The following RBFOX1 variants were observed in gnomAD, a reference collection of about 807,000 sequenced individuals.
RBFOX1 encodes RNA binding protein fox-1 homolog 1.
RBFOX1 carries 8 observed loss-of-function variants against 57.7 expected under a neutral mutation model. The ratio of observed to expected loss-of-function variants is 0.14; its 90% CI spans 0.08 to 0.25. RBFOX1 has a LOEUF of 0.25. RBFOX1 is among the 10% of genes least tolerant of loss of function. The pLI, the probability that RBFOX1 is intolerant of heterozygous loss-of-function variation, is 1.00. For synonymous variants in RBFOX1, 326 were observed against 222.4 expected (o/e 1.47, Z -4.15); for missense variants, 611 against 548.5 (o/e 1.11, Z -1.14).
At chr16:5,346,999 T>C (rs944999213) in intron 1 of RBFOX1, among the ~76,000 whole-genome samples, 1 of 152,146 alleles carries the variant, frequency 6.6e-6, no homozygotes, top group Non-Finnish European at 1.5e-5. Flanking sequence ...CTGGAAACTT[T>C]TTTTTTTTGC....
chr16:5,719,888 C>T (rs181501233), intron 3 of RBFOX1, among the ~76,000 whole-genome samples: 1 of 152,184 alleles, frequency 6.6e-6, no homozygotes, highest in Admixed American at 6.6e-5. Context: ...TTTATGTGGA[C>T]GCATGTTTTG....
chr16:5,626,844 T>G (rs1248587424), intron 3 of RBFOX1, among the ~76,000 whole-genome samples: 2 of 149,254 alleles, frequency 1.3e-5, no homozygotes, highest in African/African-American at 5.2e-5. Context: ...AATCGTTTTA[T>G]CCAAATCATT....
In RBFOX1 at chr16:6,617,104, G is replaced by A. The variant is rs753519848; in HGVS notation, c.-63-37499G>A. On this transcript the variant is annotated intron_variant, in intron 2 of 15. Transcript: ENST00000550418. Reference sequence around the variant, plus strand: ...ACGTAGAGGTGCTTTGGCCCACCACGAAGAGTTTTGGAAGACGTAAGACTT... The same window carrying A: ...ACGTAGAGGTGCTTTGGCCCACCACAAAGAGTTTTGGAAGACGTAAGACTT... 6.6e-5 allele frequency among the ~76,000 whole-genome samples: 10 copies of A among 152,032 alleles called. 1 individual carries two copies. The highest frequency in any genetic ancestry group is 4.1e-4 in the South Asian group (2 of 4,820).
intron 3 of RBFOX1, among the ~76,000 whole-genome samples, chr16:6,990,883 G>A (rs78271149): frequency 0.052 from 7,915 of 152,058 alleles, 239 homozygotes; most frequent in African/African-American, 0.071. Context: ...GATAAGATAA[G>A]GCTGTCATTT....
At chr16:5,500,630 C>T (rs544503674) in intron 2 of RBFOX1, among the ~76,000 whole-genome samples, 1 of 152,302 alleles carries the variant, frequency 6.6e-6, no homozygotes, top group African/African-American at 2.4e-5. Flanking sequence ...CAACCTAAGT[C>T]ACTCTATCCA....
chr16:7,578,675 T>C (rs1163126553), intron 5 of RBFOX1, among the ~76,000 whole-genome samples: 1 of 152,134 alleles, frequency 6.6e-6, no homozygotes, highest in Non-Finnish European at 1.5e-5. Flanking sequence ...TCCTCACTCA[T>C]AAATTTGATA....
chr16:5,362,596 A>G (rs1358297978), intron 1 of RBFOX1, among the ~76,000 whole-genome samples: 1 of 152,196 alleles, frequency 6.6e-6, no homozygotes. Context: ...TCCCGACCTC[A>G]GGTGATCCAA....
chr16:6,720,270 C>A (rs1469292699), intron 3 of RBFOX1, among the ~76,000 whole-genome samples: 1 of 152,046 alleles, frequency 6.6e-6, no homozygotes, highest in Admixed American at 6.5e-5. Context: ...TGTACTTCTT[C>A]CCCCTTCACT....
At chr16:5,359,833 T>C (rs2065493583) in intron 1 of RBFOX1, among the ~76,000 whole-genome samples, 1 of 152,190 alleles carries the variant, frequency 6.6e-6, no homozygotes, top group African/African-American at 2.4e-5. Flanking sequence ...TGGTTAATGG[T>C]TTCCTCTCTG....
intron 4 of RBFOX1, among the ~76,000 whole-genome samples, chr16:7,178,925 A>T (rs2152507334): frequency 6.6e-6 from 1 of 152,162 alleles, no homozygotes; most frequent in East Asian, 1.9e-4. Context: ...CGTAAATAAT[A>T]GTGAAGTCTC....
chr16:5,670,117 G>A (rs1029472635), intron 3 of RBFOX1, among the ~76,000 whole-genome samples: 3 of 152,018 alleles, frequency 2.0e-5, no homozygotes, highest in African/African-American at 7.2e-5. Flanking sequence ...TTTACCTGAA[G>A]TGTCTAGAGC....
At chr16:5,940,224 T>A (rs2059251711) in intron 4 of RBFOX1, among the ~76,000 whole-genome samples, 1 of 152,224 alleles carries the variant, frequency 6.6e-6, no homozygotes. Context: ...TCTAGTTGTG[T>A]GACCTTAGTT....
chr16:7,279,496 G>T (rs1568009280), intron 4 of RBFOX1, among the ~76,000 whole-genome samples: 1 of 152,200 alleles, frequency 6.6e-6, no homozygotes, highest in African/African-American at 2.4e-5. Context: ...CCAGGTTGCA[G>T]TGGCCACGGA....
intron 1 of RBFOX1, among the ~76,000 whole-genome samples, chr16:6,293,935 C>G (rs559318386): frequency 1.4e-5 from 2 of 139,104 alleles, no homozygotes; most frequent in South Asian, 4.4e-4. Flanking sequence ...GGAATTTTTA[C>G]TGTAAGAGTA....
intron 4 of RBFOX1, chr16:7,126,562 A>G (rs1168833744): frequency 9.7e-6 from 2 of 206,946 alleles, no homozygotes; most frequent in East Asian, 2.3e-4. Flanking sequence ...CGCGCTGGGC[A>G]CAGTTCGTGC....
intron 1 of RBFOX1, among the ~76,000 whole-genome samples, chr16:6,257,500 C>G (rs111543112): frequency 1.3e-5 from 2 of 151,732 alleles, no homozygotes; most frequent in African/African-American, 4.8e-5. Context: ...GGGGGTTTGT[C>G]GTACAGTTGA....
intron 1 of RBFOX1, among the ~76,000 whole-genome samples, chr16:6,303,220 C>T (rs1333339450): frequency 6.6e-6 from 1 of 152,174 alleles, no homozygotes; most frequent in Non-Finnish European, 1.5e-5. Context: ...ATGATGTCCA[C>T]ATTTCATAGC....
chr16:6,169,557 A>T (rs1477760043), intron 1 of RBFOX1, among the ~76,000 whole-genome samples: 1 of 152,198 alleles, frequency 6.6e-6, no homozygotes, highest in African/African-American at 2.4e-5. Flanking sequence ...CAGCACAGCC[A>T]CGTGGTGGAA....
At chr16:6,239,574 C>T (rs761975595) in intron 1 of RBFOX1, among the ~76,000 whole-genome samples, 1 of 135,048 alleles carries the variant, frequency 7.4e-6, no homozygotes, top group Non-Finnish European at 1.5e-5. Context: ...CCTCGGCTTA[C>T]TGCATCCTCC....
Sources: allele counts gnomAD v4.1 joint callset (sites outside exome capture counted in the v4.1 genomes callset), GRCh38; gene constraint gnomAD v4.1.1; transcripts MANE v1.5; gene names NCBI Gene and HGNC (gene_info 2026-07-23, HGNC 2026-07-21).